Variants in ADGRG1 observed in about 807,000 individuals in gnomAD.
The protein encoded by ADGRG1 is adhesion G protein-coupled receptor G1.
ADGRG1 carries 53 observed loss-of-function variants against 73.5 expected under a neutral mutation model. The ratio of observed to expected loss-of-function variants is 0.72; its 90% CI spans 0.58 to 0.91. The LOEUF (loss-of-function observed/expected upper bound fraction) is 0.91, where lower values mean the gene tolerates loss of function less well. ADGRG1 is among the 40% of genes least tolerant of loss of function. ADGRG1 has a pLI of 0.00. For synonymous variants in ADGRG1, 394 were observed against 374.4 expected, an observed-to-expected ratio of 1.05 and a Z score of -0.60; for missense variants, 795 against 871.8, an observed-to-expected ratio of 0.91 and a Z score of 1.11.
chr16:57,645,247 C>T (rs534712647), intron 1 of ADGRG1: 7 of 985,442 alleles, frequency 7.1e-6, no homozygotes, highest in Non-Finnish European at 8.4e-6. Context: ...GGGGGGTCTT[C>T]CCCTCTGCCT....
chr16:57,643,680 C>T, intron 1 of ADGRG1: 1 of 985,216 alleles, frequency 1.0e-6, no homozygotes, highest in Non-Finnish European at 1.2e-6. Context: ...ATTTTATTCT[C>T]CTTTATTGTA....
At chr16:57,657,289 C>T (rs2045968795) in intron 9 of ADGRG1, 84 bp from the exon 10 acceptor site, 20 of 1,601,450 alleles carry the variant, frequency 1.2e-5, no homozygotes, top group Non-Finnish European at 1.7e-5. Context: ...CACCAGGGAC[C>T]CCAGGTTAGC....
In ADGRG1 at chr16:57,663,771, G is replaced by T. The variant is rs184796447; in HGVS notation, c.*189G>T. ...GCTGGGCTTTTGAATTGGCCTTGGGGACTACTCGGCTCTCACTCAGCTCCC... is the reference window on the plus strand; with the variant it reads ...GCTGGGCTTTTGAATTGGCCTTGGGTACTACTCGGCTCTCACTCAGCTCCC... On this transcript the variant is annotated 3_prime_UTR_variant, in exon 14 of 14. Coordinates refer to ENST00000562631, the MANE Select transcript of ADGRG1 (RefSeq NM_201525.4). The T allele has an allele frequency of 7.8e-4, 513 of 659,334 alleles. 1 individual carries two copies. Among genetic ancestry groups the T allele is most frequent in the Middle Eastern group, 6.2e-3 (15 of 2,420 alleles). The allele number at this position is 659,334 out of a possible 1,614,324, so 40.8% of individuals were successfully genotyped here.
intron 1 of ADGRG1, chr16:57,634,565 G>A: frequency 1.3e-6 from 1 of 769,352 alleles, no homozygotes; most frequent in Non-Finnish European, 1.6e-6. Flanking sequence ...TCAGGCCCAA[G>A]AGCTCGGAGC....
intron 1 of ADGRG1, chr16:57,636,682 G>A (rs2039453860): frequency 5.1e-6 from 5 of 985,128 alleles, no homozygotes; most frequent in Non-Finnish European, 6.0e-6. Context: ...TGTGGAGCCT[G>A]CCTGCCCTGG....
intron 1 of ADGRG1, chr16:57,642,232 C>T: frequency 1.0e-6 from 1 of 985,398 alleles, no homozygotes; most frequent in Non-Finnish European, 1.2e-6. Flanking sequence ...CTGGCAGTGC[C>T]CTTTTCCCCA....
rs370254628 is a variant in ADGRG1 at position 57,660,609 on chromosome 16, G to T, written c.1556-159G>T. 28 of 942,426 alleles carry T rather than the reference G, an allele frequency of 3.0e-5. No homozygotes were observed. In the East Asian group the frequency reaches 9.3e-4, roughly 31 times the overall value. The allele number at this position is 942,426 out of a possible 1,614,324, so 58.4% of individuals were successfully genotyped here. ...CCCATACTGGAATGGGGAGGGGGAGGGTCCAAACTTGGGGGAACTTCCCCA... is the reference window on the plus strand; with the variant it reads ...CCCATACTGGAATGGGGAGGGGGAGTGTCCAAACTTGGGGGAACTTCCCCA... On this transcript the variant is annotated intron_variant, in intron 11 of 13. Transcript: ENST00000562631.
At position 57,663,519 on chromosome 16, in the gene ADGRG1, G is replaced by A. The variant is rs1241910381; in HGVS notation, c.2001G>A (p.Lys667=). ...LQARGGPSPL[K]SNSDSARLPI... ...CCCGGGGTGGCCCCTCCCCTCTGAA[G>A]AGCAACTCAGACAGCGCCAGGCTCC... is the stretch of plus-strand genomic sequence containing the variant. The change falls in exon 14 of 14, where the codon AAG becomes AAA. Residue 667 remains lysine, a synonymous_variant. Transcript: ENST00000562631. 19 of 1,613,742 alleles carry A rather than the reference G, an allele frequency of 1.2e-5. No homozygotes were observed. Among genetic ancestry groups the A allele is most frequent in the African/African-American group, 2.7e-5 (2 of 74,934 alleles).
At chr16:57,636,461 C>T (rs983143053) in intron 1 of ADGRG1, 1 of 985,218 alleles carries the variant, frequency 1.0e-6, no homozygotes, top group Non-Finnish European at 1.2e-6. Flanking sequence ...TCTTGGGAAC[C>T]GTTCTCTGGC....
rs748154040 is a variant in ADGRG1 at position 57,656,504 on chromosome 16, C to T, written c.1064-10C>T. ...GACTTGATTGGAGCCCCGTGCTGTC[C>T]CCTCCTCAGTGAGCAGCCCGGGGCA... On this transcript the variant is annotated splice_polypyrimidine_tract_variant and intron_variant, in intron 8 of 13. Coordinates refer to ENST00000562631, the MANE Select transcript of ADGRG1 (RefSeq NM_201525.4). 6.2e-7 allele frequency: 1 copy of T among 1,606,718 alleles called. No homozygotes were observed. Among genetic ancestry groups the T allele is most frequent in the South Asian group, 1.1e-5 (1 of 90,908 alleles).
intron 3 of ADGRG1, 197 bp downstream of exon 3, chr16:57,651,819 C>G: frequency 6.8e-7 from 1 of 1,467,382 alleles, no homozygotes. Flanking sequence ...TGAACCACTG[C>G]GCTCGGCCCC....
Position 57,653,731 on chromosome 16 carries a change from C to T in ADGRG1, c.621-255C>T, listed in dbSNP as rs2044732333. On this transcript the variant is annotated intron_variant, in intron 4 of 13. Coordinates refer to ENST00000562631, the MANE Select transcript of ADGRG1 (RefSeq NM_201525.4). ...CCCCACCACACCATTGCTCTCCTTT[C>T]CCTTGGCTCCCAGGTCCTGGCCTCC... The T allele has an allele frequency of 5.7e-6, 5 of 879,154 alleles. No individual in the cohort carries two copies. In the South Asian group the frequency reaches 2.6e-4, roughly 46 times the overall value. 54.5% of individuals were successfully genotyped at this position (879,154 alleles called of 1,614,324 possible).
chr16:57,629,825 A>G (rs79283615), intron 1 of ADGRG1, among the ~76,000 whole-genome samples: 8,266 of 152,154 alleles, frequency 0.054, 299 homozygotes, highest in East Asian at 0.16. Context: ...TAGGAAACCA[A>G]TGATTCCTGT....
intron 13 of ADGRG1, 115 bp from the exon 14 acceptor site, chr16:57,663,337 T>A: frequency 6.5e-7 from 1 of 1,548,774 alleles, no homozygotes; most frequent in Non-Finnish European, 8.7e-7. Context: ...CAGCACGTGC[T>A]TGGCAAACAC....
intron 1 of ADGRG1, chr16:57,642,650 T>TG: frequency 1.0e-6 from 1 of 984,692 alleles, no homozygotes; most frequent in Non-Finnish European, 1.2e-6. Flanking sequence ...TTCTCTAATC[T>TG]GGGGACTAGT....
rs1362213511 is a variant in ADGRG1, at chr16:57,631,464, T to G, written c.-36+2662T>G. On this transcript the variant is annotated intron_variant, in intron 1 of 13. Transcript: ENST00000562631. Reference sequence around the variant, plus strand: ...GGCCATGGAGGAGGCCGTGGGGAAGTCGGGTGGAAGTAGGGAGGAGAGGGG... The same window carrying G: ...GGCCATGGAGGAGGCCGTGGGGAAGGCGGGTGGAAGTAGGGAGGAGAGGGG... 14 of 985,258 alleles carry G rather than the reference T, an allele frequency of 1.4e-5. No homozygotes were observed. The East Asian group carries it at 9.1e-4, about 64-fold the overall frequency. 61.0% of individuals were successfully genotyped at this position (985,258 alleles called of 1,614,324 possible).
intron 2 of ADGRG1, chr16:57,622,078 G>T (rs1412294042): frequency 6.6e-6 from 1 of 151,726 alleles, no homozygotes; most frequent in Admixed American, 6.6e-5. Context: ...AGCTCTGATT[G>T]CATCACTGCA....
intron 1 of ADGRG1, chr16:57,635,019 G>A (rs781714848): frequency 1.6e-5 from 16 of 985,222 alleles, no homozygotes; most frequent in African/African-American, 3.5e-5. Context: ...GGGCTGGATG[G>A]GAGGGAGCAG....
intron 10 of ADGRG1, 100 bp downstream of exon 10, chr16:57,657,591 C>A: frequency 1.1e-6 from 1 of 929,422 alleles, no homozygotes; most frequent in Non-Finnish European, 1.8e-6. Flanking sequence ...GCCCGCATGA[C>A]CTGGAACTGT....
Sources: allele counts gnomAD v4.1 joint callset (sites outside exome capture counted in the v4.1 genomes callset), GRCh38; gene constraint gnomAD v4.1.1; transcripts MANE v1.5; gene names NCBI Gene and HGNC (gene_info 2026-07-23, HGNC 2026-07-21).